Variants in KAT6B observed in about 807,000 individuals in gnomAD.
The protein encoded by KAT6B is lysine acetyltransferase 6B, also known as histone acetyltransferase KAT6B.
A neutral mutation model predicts 187.5 loss-of-function variants in KAT6B; 10 were observed. The ratio of observed to expected loss-of-function variants is 0.05; its 90% CI spans 0.03 to 0.09. The LOEUF (loss-of-function observed/expected upper bound fraction) is 0.09, where lower values mean the gene tolerates loss of function less well. Among genes scored for constraint, KAT6B ranks in the 10% least tolerant of loss-of-function variants. KAT6B has a pLI of 1.00. For missense variants in KAT6B, 1,952 were observed against 2,558.9 expected (o/e 0.76, Z 5.12); for synonymous variants, 861 against 926.8 (o/e 0.93, Z 1.29).
intron 13 of KAT6B, among the ~76,000 whole-genome samples, chr10:75,002,313 C>T (rs192514318): frequency 6.6e-6 from 1 of 151,778 alleles, no homozygotes; most frequent in Non-Finnish European, 1.5e-5. Context: ...GGGACCATGA[C>T]AGCATCTCTT....
At chr10:74,910,112 A>G (rs1847082594) in intron 3 of KAT6B, among the ~76,000 whole-genome samples, 1 of 148,804 alleles carries the variant, frequency 6.7e-6, no homozygotes, top group Non-Finnish European at 1.5e-5. Flanking sequence ...CAACATGGAG[A>G]AGCCCCATCT....
intron 3 of KAT6B, among the ~76,000 whole-genome samples, chr10:74,939,050 A>ACAC (rs1554829835): frequency 2.7e-5 from 4 of 145,684 alleles, no homozygotes; most frequent in African/African-American, 1.0e-4. Context: ...TTATTTTCTT[A>ACAC]ACACACACAC....
intron 3 of KAT6B, among the ~76,000 whole-genome samples, chr10:74,938,037 C>A (rs1222860627): frequency 3.9e-5 from 6 of 152,186 alleles, no homozygotes; most frequent in African/African-American, 1.4e-4. Flanking sequence ...CTTCAAACTC[C>A]TGGGCTCAAG....
At chr10:74,888,890 A>G (rs1845469077) in intron 3 of KAT6B, among the ~76,000 whole-genome samples, 1 of 152,236 alleles carries the variant, frequency 6.6e-6, no homozygotes, top group African/African-American at 2.4e-5. Flanking sequence ...ATACGTTTTT[A>G]GTGAGAAAAA....
chr10:74,899,978 T>C (rs1258574732), intron 3 of KAT6B, among the ~76,000 whole-genome samples: 1 of 152,216 alleles, frequency 6.6e-6, no homozygotes, highest in Non-Finnish European at 1.5e-5. Context: ...GTAAGTGTTC[T>C]ATAGTGTATA....
chr10:74,907,714 G>A (rs1055132725), intron 3 of KAT6B, among the ~76,000 whole-genome samples: 3 of 152,038 alleles, frequency 2.0e-5, no homozygotes, highest in African/African-American at 7.2e-5. Context: ...ATTTTTAGTA[G>A]AGACAGGGTT....
intron 3 of KAT6B, among the ~76,000 whole-genome samples, chr10:74,856,173 C>G (rs1842809459): frequency 6.6e-6 from 1 of 152,110 alleles, no homozygotes; most frequent in African/African-American, 2.4e-5. Flanking sequence ...GCAACCTCCA[C>G]CTCCCAGGTT....
chr10:74,892,948 C>A (rs918457014), intron 3 of KAT6B, among the ~76,000 whole-genome samples: 4 of 152,240 alleles, frequency 2.6e-5, no homozygotes, highest in Admixed American at 6.5e-5. Context: ...ACAGCAAAAA[C>A]GCTTGACATT....
At chr10:74,998,657 G>A (rs1188969418) in intron 13 of KAT6B, among the ~76,000 whole-genome samples, 1 of 152,200 alleles carries the variant, frequency 6.6e-6, no homozygotes, top group Non-Finnish European at 1.5e-5. Flanking sequence ...CAGGTGCAGT[G>A]GCTCATGCCT....
At chr10:74,858,823 C>G (rs1454192499) in intron 3 of KAT6B, among the ~76,000 whole-genome samples, 1 of 151,894 alleles carries the variant, frequency 6.6e-6, no homozygotes, top group African/African-American at 2.4e-5. Flanking sequence ...GGCATGGTGG[C>G]TCACGCCTGT....
At chr10:74,938,115 C>T (rs922156166) in intron 3 of KAT6B, among the ~76,000 whole-genome samples, 4 of 152,096 alleles carry the variant, frequency 2.6e-5, no homozygotes, top group Non-Finnish European at 4.4e-5. Flanking sequence ...CTGGCTGTTT[C>T]GTTGTTGTTG....
intron 3 of KAT6B, among the ~76,000 whole-genome samples, chr10:74,864,280 CCTAGGTTGGAGT>C (rs1843397116): frequency 6.6e-6 from 1 of 151,454 alleles, no homozygotes; most frequent in Non-Finnish European, 1.5e-5. Flanking sequence ...CTCACTGTCG[CCTAGGTTGGAGT>C]GCAGTGGCGC....
At chr10:74,953,274 T>C (rs1737529209) in intron 3 of KAT6B, among the ~76,000 whole-genome samples, 1 of 152,198 alleles carries the variant, frequency 6.6e-6, no homozygotes, top group African/African-American at 2.4e-5. Context: ...AACTCCAGAA[T>C]AATTCATTTG....
At chr10:74,918,647 G>T (rs964216095) in intron 3 of KAT6B, among the ~76,000 whole-genome samples, 4 of 152,120 alleles carry the variant, frequency 2.6e-5, no homozygotes, top group Admixed American at 2.0e-4. Context: ...GGAGGCTGAG[G>T]CAGGAAAATT....
chr10:74,912,375 G>GGATA (rs35051764), intron 3 of KAT6B, among the ~76,000 whole-genome samples: 20,184 of 145,458 alleles, frequency 0.14, 1,453 homozygotes, highest in Middle Eastern at 0.18. Flanking sequence ...ATGGATGGAT[G>GGATA]GATAGATAGA....
At chr10:74,952,680 A>G (rs1388785693) in intron 3 of KAT6B, among the ~76,000 whole-genome samples, 1 of 151,476 alleles carries the variant, frequency 6.6e-6, no homozygotes, top group African/African-American at 2.4e-5. Flanking sequence ...CTAAAGAGAC[A>G]CAGAAGAGTC....
In KAT6B at chr10:75,029,154, C is replaced by G. The variant is rs757003664; in HGVS notation, c.4330C>G (p.Leu1444Val). 1.5e-5 allele frequency: 24 copies of G among 1,614,042 alleles called. No homozygotes were observed. Among genetic ancestry groups the G allele is most frequent in the Non-Finnish European group, 2.0e-5 (24 of 1,180,050 alleles). The change falls in exon 18 of 18, where the codon CTG becomes GTG. Residue 1444 changes from leucine (L) to valine (V), a missense_variant. Transcript: ENST00000287239. The surrounding 1 kb of genome is among the most constrained non-coding windows in gnomAD (Gnocchi z 6.2). Reference sequence around the variant, plus strand: ...GTCTGCCGAAGTGGAGAAGGAAGAGCTGCCCAGAGAAAGCTTCAAAGAAGT... The same window carrying G: ...GTCTGCCGAAGTGGAGAAGGAAGAGGTGCCCAGAGAAAGCTTCAAAGAAGT... ...MESAEVEKEELPRESFKEVLE... is the reference protein window; with the variant it reads ...MESAEVEKEEVPRESFKEVLE...
chr10:74,889,651 TCCA>T (rs1845520128), intron 3 of KAT6B, among the ~76,000 whole-genome samples: 3 of 152,218 alleles, frequency 2.0e-5, no homozygotes, highest in Admixed American at 2.0e-4. Context: ...AGGAGCCTTA[TCCA>T]ATGTCATTGA....
intron 13 of KAT6B, among the ~76,000 whole-genome samples, chr10:75,016,202 T>C (rs1289296944): frequency 6.6e-6 from 1 of 152,210 alleles, no homozygotes; most frequent in Non-Finnish European, 1.5e-5. Flanking sequence ...TCTACCACTT[T>C]TATTTTCTCC....
Sources: allele counts gnomAD v4.1 joint callset (sites outside exome capture counted in the v4.1 genomes callset), GRCh38; gene constraint gnomAD v4.1.1; non-coding constraint Gnocchi (gnomAD v3.1); transcripts MANE v1.5; gene names NCBI Gene and HGNC (gene_info 2026-07-23, HGNC 2026-07-21).